The following SLC46A3 variants were observed in gnomAD, a reference collection of about 807,000 sequenced individuals.
The protein encoded by SLC46A3 is lysosomal proton-coupled steroid conjugate and bile acid symporter SLC46A3.
In SLC46A3, 26 loss-of-function variants were observed where a neutral mutation model predicts 38.5. That is an observed-to-expected ratio of 0.68 (90% CI 0.49 to 0.94). The LOEUF (loss-of-function observed/expected upper bound fraction) is 0.94, where lower values mean the gene tolerates loss of function less well. SLC46A3 is among the 40% of genes least tolerant of loss of function. The pLI is 0.00. For synonymous variants in SLC46A3, 185 were observed against 192.5 expected (o/e 0.96, Z 0.32); for missense variants, 510 against 544.3 (o/e 0.94, Z 0.63).
At chr13:28,702,553 C>A (rs1484721053) in intron 5 of SLC46A3, among the ~76,000 whole-genome samples, 1 of 152,152 alleles carries the variant, frequency 6.6e-6, no homozygotes, top group East Asian at 1.9e-4. Context: ...CTATTATCAA[C>A]AATGTGTAAG....
chr13:28,704,158 A>C, intron 4 of SLC46A3, 59 bp from the exon 5 acceptor site: 3 of 1,458,222 alleles, frequency 2.1e-6, no homozygotes, highest in Non-Finnish European at 2.8e-6. Flanking sequence ...CAAAACAACA[A>C]ACACAAACTA....
chr13:28,713,575 A>G (rs201535732), intron 2 of SLC46A3, 25 bp from the exon 3 acceptor site: 1 of 1,586,056 alleles, frequency 6.3e-7, no homozygotes, highest in African/African-American at 1.3e-5. Context: ...AAAGAAGACA[A>G]TGTGTTTACA....
chr13:28,700,872 A>G lies in SLC46A3; in HGVS notation c.*625T>C, dbSNP rs1190539464. ...CCTCCCTTTTAAGGATTTTGTATCAACAAAGCACTGATTGTGGAATTCATG... is the reference window on the plus strand; with the variant it reads ...CCTCCCTTTTAAGGATTTTGTATCAGCAAAGCACTGATTGTGGAATTCATG... On this transcript the variant is annotated 3_prime_UTR_variant, in exon 6 of 6. Coordinates refer to ENST00000266943, the MANE Select transcript of SLC46A3 (RefSeq NM_181785.4). The G allele has an allele frequency of 2.5e-6, 3 of 1,182,580 alleles. No homozygotes were observed. Among genetic ancestry groups the G allele is most frequent in the African/African-American group, 3.1e-5 (2 of 64,924 alleles). 73.3% of individuals were successfully genotyped at this position (1,182,580 alleles called of 1,614,324 possible).
At position 28,701,026 on chromosome 13, in the gene SLC46A3, A is replaced by G; in HGVS notation, c.*471T>C. The G allele has an allele frequency of 6.6e-7, 1 of 1,522,346 alleles. No homozygotes were observed. The highest frequency in any genetic ancestry group is 8.8e-7 in the Non-Finnish European group (1 of 1,133,866). 94.3% of individuals were successfully genotyped at this position (1,522,346 alleles called of 1,614,324 possible). A position where few individuals can be genotyped will look rare whatever the true frequency, so the allele number is the denominator to read the frequency against. On this transcript the variant is annotated 3_prime_UTR_variant, in exon 6 of 6. Transcript: ENST00000266943. ...TTGAAACTTATATCATTATTTTCCT[A>G]CCAATGAGTGATTCATCATAATTTT... is the stretch of plus-strand genomic sequence containing the variant.
chr13:28,702,251 C>G (rs1462506016), intron 5 of SLC46A3, among the ~76,000 whole-genome samples: 2 of 152,066 alleles, frequency 1.3e-5, no homozygotes, highest in Non-Finnish European at 2.9e-5. Flanking sequence ...TCCCAAAGTG[C>G]TGGGATTATA....
At position 28,700,791 on chromosome 13, in the gene SLC46A3, G is replaced by T. The variant is rs1228532418; in HGVS notation, c.*706C>A. On this transcript the variant is annotated 3_prime_UTR_variant, in exon 6 of 6. Transcript: ENST00000266943. ...CCATTACATATAGAAATATTATCAT[G>T]CCTGTCACCGATGAAACATATTAAG... 5.5e-6 allele frequency: 3 copies of T among 544,344 alleles called. No homozygotes were observed. Among genetic ancestry groups the T allele is most frequent in the South Asian group, 3.5e-5 (1 of 28,450 alleles). The allele number at this position is 544,344 out of a possible 1,614,324, so 33.7% of individuals were successfully genotyped here.
At chr13:28,711,685 G>A (rs1418829702) in intron 3 of SLC46A3, among the ~76,000 whole-genome samples, 1 of 152,108 alleles carries the variant, frequency 6.6e-6, no homozygotes, top group Non-Finnish European at 1.5e-5. Context: ...ACCCTTAATA[G>A]TCAGTAGTTT....
At chr13:28,716,869 A>G (rs1052750571) in intron 2 of SLC46A3, among the ~76,000 whole-genome samples, 5 of 152,044 alleles carry the variant, frequency 3.3e-5, no homozygotes, top group African/African-American at 1.2e-4. Context: ...AGGTGACTCA[A>G]TTCCTTTTAA....
intron 4 of SLC46A3, among the ~76,000 whole-genome samples, chr13:28,707,307 A>T (rs1885200200): frequency 6.7e-6 from 1 of 150,340 alleles, no homozygotes; most frequent in Non-Finnish European, 1.5e-5. Context: ...AGAGCAAAAA[A>T]CCAAACACCA....
chr13:28,716,795 C>T (rs1341439077), intron 2 of SLC46A3, among the ~76,000 whole-genome samples: 2 of 152,150 alleles, frequency 1.3e-5, no homozygotes, highest in African/African-American at 2.4e-5. Context: ...GCCTCTGGGG[C>T]GGTTTGCCAT....
Position 28,703,998 on chromosome 13 carries a change from C to T in SLC46A3, c.1246G>A (p.Gly416Ser), listed in dbSNP as rs1885104222. The change falls in exon 5 of 6, where the codon GGC becomes AGC. Residue 416 changes from glycine (G) to serine (S), a missense_variant. Transcript: ENST00000266943. ...CCAGCAGACAGCAGGAAAGTGAAGCCAGGGTACCAAGCAACAGTGGCTGAG... is the reference window on the plus strand; with the variant it reads ...CCAGCAGACAGCAGGAAAGTGAAGCTAGGGTACCAAGCAACAGTGGCTGAG... The part of the protein sequence containing the change: ...IYSATVAWYP[G>S]FTFLLSAGLL... The T allele has an allele frequency of 6.2e-7, 1 of 1,613,596 alleles. No homozygotes were observed. Among genetic ancestry groups the T allele is most frequent in the African/African-American group, 1.3e-5 (1 of 74,808 alleles).
chr13:28,703,875 C>T (rs1885099865), intron 5 of SLC46A3, 68 bp downstream of exon 5: 1 of 1,421,792 alleles, frequency 7.0e-7, no homozygotes, highest in Non-Finnish European at 9.6e-7. Context: ...ATGTAATTTA[C>T]TGGTGAGGTT....
intron 4 of SLC46A3, among the ~76,000 whole-genome samples, chr13:28,707,935 T>G (rs147212819): frequency 2.6e-3 from 396 of 152,350 alleles, no homozygotes; most frequent in African/African-American, 9.2e-3. Context: ...AATGACAATA[T>G]GTGGCCTTTT....
At position 28,701,474 on chromosome 13, in the gene SLC46A3, T is replaced by A. The variant is rs773724896; in HGVS notation, c.*23A>T. On this transcript the variant is annotated 3_prime_UTR_variant, in exon 6 of 6. Transcript: ENST00000266943. The stretch of plus-strand genomic sequence containing the variant: ...TATATGATATGTGCATTCATAGATT[T>A]TTTTTGTTTGTTTAAATCACAGTCA... 3 of 1,607,610 alleles carry A rather than the reference T, an allele frequency of 1.9e-6. No individual in the cohort carries two copies. The highest frequency in any genetic ancestry group is 2.2e-5 in the South Asian group (2 of 89,400).
At chr13:28,710,897 T>C in intron 3 of SLC46A3, 54 bp from the exon 4 acceptor site, 1 of 1,289,998 alleles carries the variant, frequency 7.8e-7, no homozygotes, top group South Asian at 1.2e-5. Flanking sequence ...TAATGGCCAA[T>C]TTAAAATAGG....
rs757095171 is a variant in SLC46A3, at chr13:28,701,446, T to C, written c.*51A>G. The C allele has an allele frequency of 1.2e-5, 19 of 1,592,428 alleles. No individual in the cohort carries two copies. The highest frequency in any genetic ancestry group is 1.4e-5 in the Non-Finnish European group (17 of 1,173,076). On this transcript the variant is annotated 3_prime_UTR_variant, in exon 6 of 6. Transcript: ENST00000266943. ...ATTCATTTATAGTCTTCAGAAGTCA[T>C]GGTATATGATATGTGCATTCATAGA...
Position 28,712,745 on chromosome 13 carries a change from A to G in SLC46A3, c.995T>C (p.Ile332Thr), listed in dbSNP as rs1358183249. 1 of 1,609,390 alleles carries G rather than the reference A, an allele frequency of 6.2e-7. No homozygotes were observed. Among genetic ancestry groups the G allele is most frequent in the Non-Finnish European group, 8.5e-7 (1 of 1,178,914 alleles). Residue 332 changes from isoleucine (I) to threonine (T), a missense_variant, in exon 3 of 6, where the codon ATT becomes ACT. Transcript: ENST00000266943. ...MEDIHMAFIG[I>T]FTTMTGMAMT... is the part of the protein sequence containing the mutation. ...AGCCATTCCTGTCATCGTGGTAAAA[A>G]TCCCAATGAAGGCCATATGAATATC...
intron 5 of SLC46A3, 98 bp downstream of exon 5, chr13:28,703,845 G>A: frequency 8.8e-7 from 1 of 1,132,254 alleles, no homozygotes; most frequent in Non-Finnish European, 1.3e-6. Flanking sequence ...CACGTTCTGA[G>A]GCAAAATTTC....
chr13:28,711,854 G>A (rs1885354605), intron 3 of SLC46A3, among the ~76,000 whole-genome samples: 1 of 152,206 alleles, frequency 6.6e-6, no homozygotes, highest in Admixed American at 6.5e-5. Flanking sequence ...CCAAGCGAGT[G>A]CTTGACAGCT....
Sources: allele counts gnomAD v4.1 joint callset (sites outside exome capture counted in the v4.1 genomes callset), GRCh38; gene constraint gnomAD v4.1.1; transcripts MANE v1.5; gene names NCBI Gene and HGNC (gene_info 2026-07-23, HGNC 2026-07-21).